The following NEK7 variants were observed in gnomAD, a reference collection of about 807,000 sequenced individuals.
NEK7 encodes the protein serine/threonine-protein kinase Nek7.
A neutral mutation model predicts 44.6 loss-of-function variants in NEK7; 18 were observed. The ratio of observed to expected loss-of-function variants is 0.40; its 90% CI spans 0.28 to 0.60. The LOEUF is 0.60. NEK7 is among the 20% of genes least tolerant of loss of function. The pLI is 0.38. For synonymous variants in NEK7, 130 were observed against 121.1 expected (o/e 1.07, Z -0.48); for missense variants, 256 against 366.5 (o/e 0.70, Z 2.46).
intron 1 of NEK7, among the ~76,000 whole-genome samples, chr1:198,215,660 A>T (rs1210184210): frequency 6.6e-6 from 1 of 152,136 alleles, no homozygotes; most frequent in Non-Finnish European, 1.5e-5. Flanking sequence ...TGATTTCAGG[A>T]GACACACCTA....
intron 3 of NEK7, among the ~76,000 whole-genome samples, chr1:198,259,885 G>A (rs1653399182): frequency 6.6e-6 from 1 of 152,066 alleles, no homozygotes; most frequent in Non-Finnish European, 1.5e-5. Flanking sequence ...GTTATTGAGA[G>A]CCCTTCCAGC....
intron 1 of NEK7, among the ~76,000 whole-genome samples, chr1:198,195,671 A>C (rs1042731501): frequency 6.6e-6 from 1 of 152,086 alleles, no homozygotes; most frequent in Non-Finnish European, 1.5e-5. Context: ...AACAAAATAC[A>C]AAAATTAGCC....
At chr1:198,166,607 A>T (rs978592350) in intron 1 of NEK7, among the ~76,000 whole-genome samples, 2 of 152,202 alleles carry the variant, frequency 1.3e-5, no homozygotes, top group African/African-American at 4.8e-5. Context: ...AGTGAGGCCC[A>T]AGGAGAGGGA....
At position 198,187,484 on chromosome 1, in the gene NEK7, C is replaced by T. The variant is rs147068770; in HGVS notation, c.-29+30208C>T. On this transcript the variant is annotated intron_variant, in intron 1 of 9. Coordinates refer to ENST00000367385, the MANE Select transcript of NEK7 (RefSeq NM_133494.3). Reference sequence around the variant, plus strand: ...AACAGCAGGAGAATTCAGATACTCCCGTGGCTGCTCAGTAAATCTGTTTTG... The same window carrying T: ...AACAGCAGGAGAATTCAGATACTCCTGTGGCTGCTCAGTAAATCTGTTTTG... Among the ~76,000 whole-genome samples, 860 of 152,218 alleles carry T rather than the reference C, an allele frequency of 5.6e-3. 8 individuals are homozygous for T. Among genetic ancestry groups the T allele is most frequent in the African/African-American group, 0.02 (814 of 41,520 alleles).
intron 2 of NEK7, among the ~76,000 whole-genome samples, chr1:198,233,717 T>C (rs2884766): frequency 0.17 from 26,307 of 151,310 alleles, 3,302 homozygotes; most frequent in African/African-American, 0.32. Flanking sequence ...GGCTGTAGTG[T>C]TTTCCAAACT....
Position 198,174,780 on chromosome 1 carries a change from C to G in NEK7, c.-29+17504C>G, listed in dbSNP as rs541294979. Among the ~76,000 whole-genome samples the G allele has an allele frequency of 5.9e-5, 9 of 151,576 alleles. No homozygotes were observed. The East Asian group carries it at 1.7e-3, about 29-fold the overall frequency. On this transcript the variant is annotated intron_variant, in intron 1 of 9. Transcript: ENST00000367385. ...TTTTGTTGTTTTTTTTGGGGGGGGA[C>G]AGGGTCTTGCTCTGTCACCCAGGCT...
intron 7 of NEK7, among the ~76,000 whole-genome samples, chr1:198,281,401 A>AT (rs1441365790): frequency 1.3e-5 from 2 of 151,988 alleles, no homozygotes; most frequent in Admixed American, 1.3e-4. Flanking sequence ...ATGTTGATTC[A>AT]TTTTTTAATT....
At chr1:198,239,366 A>G (rs1666623841) in intron 2 of NEK7, among the ~76,000 whole-genome samples, 1 of 152,124 alleles carries the variant, frequency 6.6e-6, no homozygotes, top group Admixed American at 6.6e-5. Flanking sequence ...GATTATAACC[A>G]TGCTTTTTTC....
intron 2 of NEK7, among the ~76,000 whole-genome samples, chr1:198,243,563 C>G (rs1438308577): frequency 6.6e-6 from 1 of 152,096 alleles, no homozygotes; most frequent in Non-Finnish European, 1.5e-5. Flanking sequence ...TTTTTGGTTA[C>G]ATCATTTGGA....
intron 1 of NEK7, among the ~76,000 whole-genome samples, chr1:198,175,664 G>T (rs1571502536): frequency 1.3e-5 from 2 of 152,280 alleles, no homozygotes; most frequent in East Asian, 3.9e-4. Context: ...CTAACTGAAT[G>T]ACATATAAAA....
Position 198,246,154 on chromosome 1 carries a change from G to A in NEK7, c.58-6886G>A, listed in dbSNP as rs149999038. 2.2e-3 allele frequency among the ~76,000 whole-genome samples: 330 copies of A among 152,284 alleles called. 1 individual carries two copies. The highest frequency in any genetic ancestry group is 7.5e-3 in the African/African-American group (313 of 41,558). On this transcript the variant is annotated intron_variant, in intron 2 of 9. Coordinates refer to ENST00000367385, the MANE Select transcript of NEK7 (RefSeq NM_133494.3). ...ACAATATACTATAATCGCTACCGAA[G>A]TATATAGATATATTACCTGCCTGAT...
At chr1:198,228,304 T>A (rs1345009752) in intron 1 of NEK7, among the ~76,000 whole-genome samples, 2 of 152,222 alleles carry the variant, frequency 1.3e-5, no homozygotes, top group African/African-American at 4.8e-5. Flanking sequence ...GGTAGTGTGA[T>A]GCCTCCAGTT....
At chr1:198,214,317 G>T (rs1355271996) in intron 1 of NEK7, among the ~76,000 whole-genome samples, 1 of 152,132 alleles carries the variant, frequency 6.6e-6, no homozygotes, top group Non-Finnish European at 1.5e-5. Context: ...TCCAGCAGTG[G>T]ATCCAAATCA....
At chr1:198,207,631 AT>A (rs1045220242) in intron 1 of NEK7, among the ~76,000 whole-genome samples, 2 of 152,224 alleles carry the variant, frequency 1.3e-5, no homozygotes, top group African/African-American at 4.8e-5. Flanking sequence ...CCTAGAAAAG[AT>A]AAAACTATAG....
chr1:198,201,692 A>T (rs919167024), intron 1 of NEK7, among the ~76,000 whole-genome samples: 1 of 152,118 alleles, frequency 6.6e-6, no homozygotes, highest in Admixed American at 6.6e-5. Context: ...TATAATTTTT[A>T]TGCTCTTCTG....
chr1:198,246,550 T>G (rs2102905848), intron 2 of NEK7, among the ~76,000 whole-genome samples: 1 of 152,366 alleles, frequency 6.6e-6, no homozygotes, highest in East Asian at 1.9e-4. Flanking sequence ...CTTTCGCCAC[T>G]CTGGCGGCCA....
intron 1 of NEK7, among the ~76,000 whole-genome samples, chr1:198,160,328 T>A (rs961204139): frequency 6.6e-5 from 10 of 151,196 alleles, no homozygotes; most frequent in African/African-American, 2.2e-4. Flanking sequence ...TTTTTTTTTT[T>A]AAATAGGCTT....
intron 1 of NEK7, among the ~76,000 whole-genome samples, chr1:198,191,052 C>G (rs1454230183): frequency 1.3e-5 from 2 of 151,734 alleles, no homozygotes; most frequent in African/African-American, 4.8e-5. Context: ...TATTTTTTTT[C>G]TAACTCAGTA....
At position 198,262,930 on chromosome 1, in the gene NEK7, C is replaced by T. The variant is rs958618558; in HGVS notation, c.261+293C>T. On this transcript the variant is annotated intron_variant, in intron 4 of 9. Transcript: ENST00000367385. Reference sequence around the variant, plus strand: ...AATTTTTTTTTCTTGACCACCCCAACAAGACATATTCTAAAGGTTAAGTAA... The same window carrying T: ...AATTTTTTTTTCTTGACCACCCCAATAAGACATATTCTAAAGGTTAAGTAA... Among the ~76,000 whole-genome samples, 11 of 151,702 alleles carry T rather than the reference C, an allele frequency of 7.3e-5. No homozygotes were observed. The East Asian group carries it at 1.7e-3, about 24-fold the overall frequency.
Sources: gnomAD v4.1 joint callset for allele counts (sites outside exome capture counted in the v4.1 genomes callset) on GRCh38, gnomAD v4.1.1 for gene constraint, MANE v1.5 for transcripts, NCBI Gene and HGNC (gene_info 2026-07-23, HGNC 2026-07-21) for gene names.